Variants in ULK4 observed in about 807,000 individuals in gnomAD.
ULK4 encodes the protein inactive serine/threonine-protein kinase ULK4.
Under a neutral mutation model 160.6 loss-of-function variants are expected in ULK4, and 133 were observed. That is an observed-to-expected ratio of 0.83 (90% CI 0.72 to 0.96). ULK4 has a LOEUF of 0.96. ULK4 is among the 40% of genes least tolerant of loss of function. ULK4 has a pLI of 0.00. For synonymous variants in ULK4, 534 were observed against 539.8 expected (o/e 0.99, Z 0.15); for missense variants, 1,580 against 1,499.5 (o/e 1.05, Z -0.89).
intron 32 of ULK4, among the ~76,000 whole-genome samples, chr3:41,542,082 C>T (rs998842179): frequency 1.3e-5 from 2 of 152,126 alleles, no homozygotes; most frequent in African/African-American, 4.8e-5. Context: ...AGAGGGCATC[C>T]TTGTCTTGTG....
At chr3:41,954,897 T>A in intron 1 of ULK4, 90 bp from the exon 2 acceptor site, 1 of 806,680 alleles carries the variant, frequency 1.2e-6, no homozygotes, top group Non-Finnish European at 1.8e-6. Context: ...ATTATATGTG[T>A]AAAAAATCTA....
chr3:41,387,394 T>C (rs2081842362), intron 35 of ULK4, among the ~76,000 whole-genome samples: 1 of 152,126 alleles, frequency 6.6e-6, no homozygotes, highest in Non-Finnish European at 1.5e-5. Context: ...TCATTATACT[T>C]TAAGTTTTAG....
chr3:41,927,178 G>C (rs1699415316), intron 5 of ULK4, among the ~76,000 whole-genome samples: 1 of 152,234 alleles, frequency 6.6e-6, no homozygotes. Context: ...CCAGAAAAGA[G>C]TGGGGGTCAA....
chr3:41,492,722 G>C (rs184871395), intron 32 of ULK4, among the ~76,000 whole-genome samples: 10 of 151,874 alleles, frequency 6.6e-5, no homozygotes, highest in African/African-American at 2.2e-4. Flanking sequence ...AAAATAAAAG[G>C]ATGGAGGAAG....
intron 35 of ULK4, among the ~76,000 whole-genome samples, chr3:41,320,455 C>A (rs182245480): frequency 6.6e-6 from 1 of 152,142 alleles, no homozygotes; most frequent in African/African-American, 2.4e-5. Flanking sequence ...ATAAGTCTAG[C>A]GTAAATTCCT....
chr3:41,484,662 C>T (rs1433682025), intron 32 of ULK4, among the ~76,000 whole-genome samples: 1 of 152,030 alleles, frequency 6.6e-6, no homozygotes, highest in Non-Finnish European at 1.5e-5. Flanking sequence ...CCGTGTTAGC[C>T]AGGATGGTCT....
intron 35 of ULK4, among the ~76,000 whole-genome samples, chr3:41,356,653 T>C (rs1432312919): frequency 6.6e-6 from 1 of 152,222 alleles, no homozygotes; most frequent in African/African-American, 2.4e-5. Flanking sequence ...AAAGGTTATA[T>C]GTTACCTGCA....
At chr3:41,803,210 G>T (rs934618985) in intron 19 of ULK4, among the ~76,000 whole-genome samples, 12 of 151,132 alleles carry the variant, frequency 7.9e-5, no homozygotes, top group African/African-American at 2.9e-4. Flanking sequence ...CCATAAAGGT[G>T]ATATAAAGGC....
chr3:41,603,731 T>C (rs1038324763), intron 31 of ULK4, among the ~76,000 whole-genome samples: 1 of 152,114 alleles, frequency 6.6e-6, no homozygotes, highest in African/African-American at 2.4e-5. Flanking sequence ...AGAGGCTGGG[T>C]GAAGTACAGG....
chr3:41,448,572 T>C (rs1042232696), intron 34 of ULK4, among the ~76,000 whole-genome samples: 3 of 152,194 alleles, frequency 2.0e-5, no homozygotes, highest in African/African-American at 7.2e-5. Flanking sequence ...ACACTCTGAC[T>C]GTACCATGGA....
At chr3:41,772,096 C>T (rs141161932) in intron 21 of ULK4, among the ~76,000 whole-genome samples, 1 of 152,090 alleles carries the variant, frequency 6.6e-6, no homozygotes, top group Non-Finnish European at 1.5e-5. Context: ...GTTTATAGCT[C>T]TAAATGCCCA....
At chr3:41,277,857 C>T (rs1482558899) in intron 35 of ULK4, 1 of 152,250 alleles carries the variant, frequency 6.6e-6, no homozygotes, top group African/African-American at 2.4e-5. Flanking sequence ...GGGAACAGCT[C>T]TACTCTGCAG....
At chr3:41,790,185 A>G (rs1312450516) in intron 20 of ULK4, among the ~76,000 whole-genome samples, 1 of 152,228 alleles carries the variant, frequency 6.6e-6, no homozygotes, top group African/African-American at 2.4e-5. Flanking sequence ...AACAGTTGTA[A>G]AAGTGAATAT....
At chr3:41,735,781 T>C (rs2125872359) in intron 22 of ULK4, among the ~76,000 whole-genome samples, 1 of 151,408 alleles carries the variant, frequency 6.6e-6, no homozygotes, top group East Asian at 1.9e-4. Context: ...ATATGTCATG[T>C]TGGTGTGCTG....
chr3:41,642,382 T>G (rs1469217470), intron 30 of ULK4, among the ~76,000 whole-genome samples: 1 of 152,056 alleles, frequency 6.6e-6, no homozygotes, highest in Non-Finnish European at 1.5e-5. Flanking sequence ...ATGTTCCCCT[T>G]CCTGCGTCCA....
intron 32 of ULK4, among the ~76,000 whole-genome samples, chr3:41,520,460 G>A (rs1468481019): frequency 6.6e-6 from 1 of 152,068 alleles, no homozygotes; most frequent in African/African-American, 2.4e-5. Context: ...CTTTTCATCT[G>A]GTGATGGAGA....
intron 18 of ULK4, among the ~76,000 whole-genome samples, chr3:41,834,473 T>G (rs2041695042): frequency 1.3e-5 from 2 of 152,170 alleles, no homozygotes; most frequent in Non-Finnish European, 2.9e-5. Context: ...AAACAGATGA[T>G]TTGCAGAATT....
chr3:41,813,032 A>G lies in ULK4; in HGVS notation c.1848+6391T>C, dbSNP rs151068220. Among the ~76,000 whole-genome samples, 486 of 152,304 alleles carry G rather than the reference A, an allele frequency of 3.2e-3. 1 individual carries two copies. Among genetic ancestry groups the G allele is most frequent in the African/African-American group, 0.011 (452 of 41,576 alleles). On this transcript the variant is annotated intron_variant, in intron 19 of 36. Transcript: ENST00000301831. Reference sequence around the variant, plus strand: ...ATCTAATCAACATTTTTTAGCTTACATAATAGTCTATATAATTATGGGTAC... The same window carrying G: ...ATCTAATCAACATTTTTTAGCTTACGTAATAGTCTATATAATTATGGGTAC...
chr3:41,580,639 C>T (rs544739578), intron 31 of ULK4, among the ~76,000 whole-genome samples: 8 of 152,266 alleles, frequency 5.3e-5, no homozygotes, highest in African/African-American at 1.7e-4. Context: ...TAAAACCATA[C>T]GAGTGACAAG....
Sources: allele counts gnomAD v4.1 joint callset (sites outside exome capture counted in the v4.1 genomes callset), GRCh38; gene constraint gnomAD v4.1.1; transcripts MANE v1.5; gene names NCBI Gene and HGNC (gene_info 2026-07-23, HGNC 2026-07-21).